CAPZB: variants seen among roughly 807,000 people sequenced by gnomAD.
CAPZB encodes the protein F-actin-capping protein subunit beta.
Under a neutral mutation model 38.1 loss-of-function variants are expected in CAPZB, and 2 were observed. The ratio of observed to expected loss-of-function variants is 0.05; its 90% CI spans 0.02 to 0.17. The LOEUF (loss-of-function observed/expected upper bound fraction) is 0.17, where lower values mean the gene tolerates loss of function less well. Among genes scored for constraint, CAPZB ranks in the 10% least tolerant of loss-of-function variants. The probability of loss-of-function intolerance (pLI) is 1.00; values close to 1 mark genes in which losing one functional copy is unlikely to be tolerated. For synonymous variants in CAPZB, 107 were observed against 127.4 expected, an observed-to-expected ratio of 0.84 and a Z score of 1.08; for missense variants, 161 against 334.2, an observed-to-expected ratio of 0.48 and a Z score of 4.04.
At chr1:19,485,364 G>T in intron 1 of CAPZB, 72 bp downstream of exon 1, 1 of 1,080,694 alleles carries the variant, frequency 9.3e-7, no homozygotes, top group South Asian at 4.6e-5. Context: ...CCAGGCCAGG[G>T]ATGGGCAGGG....
rs539577353 is a variant in CAPZB at position 19,418,120 on chromosome 1, A to G, written c.93+1541T>C. On this transcript the variant is annotated intron_variant, in intron 2 of 8. Coordinates refer to ENST00000264202, the MANE Select transcript of CAPZB (RefSeq NM_004930.5). The stretch of plus-strand genomic sequence containing the variant: ...CACTGCACTACAGCCCGGGTGACAG[A>G]ATGAGACTCTGTCACCAAAAAAAAA... 6.5e-5 allele frequency among the ~76,000 whole-genome samples: 9 copies of G among 139,248 alleles called. No homozygotes were observed. In the South Asian group the frequency reaches 2.1e-3, roughly 33 times the overall value. 91.4% of individuals were successfully genotyped at this position (139,248 alleles called of 152,430 possible).
chr1:19,403,818 C>CT (rs2094315855), intron 2 of CAPZB, among the ~76,000 whole-genome samples: 1 of 152,224 alleles, frequency 6.6e-6, no homozygotes, highest in Admixed American at 6.5e-5. Context: ...AGTGACCCCG[C>CT]TTTGGGCAGG....
chr1:19,356,674 G>A lies in CAPZB; in HGVS notation c.549C>T (p.Gly183=). The A allele has an allele frequency of 6.2e-7, 1 of 1,614,076 alleles. No homozygotes were observed. Among genetic ancestry groups the A allele is most frequent in the African/African-American group, 1.3e-5 (1 of 75,036 alleles). Residue 183 remains glycine (G), a synonymous_variant, in exon 6 of 9, where the codon GGC becomes GGT. Transcript: ENST00000264202. This position sits in a 1 kb window ranked among gnomAD's most constrained non-coding sequence, Gnocchi z 4.3. ...VMLWLQTNKS[G]SGTMNLGGSL... ...TGCCTCCGAGGTTCATGGTGCCAGA[G>A]CCAGATTTGTTGGTCTGCAGCCACA...
chr1:19,392,243 G>C (rs1386082469), intron 2 of CAPZB, among the ~76,000 whole-genome samples: 1 of 151,840 alleles, frequency 6.6e-6, no homozygotes, highest in Admixed American at 6.6e-5. Flanking sequence ...CGACAGAAGG[G>C]GGTTGCTGTG....
chr1:19,398,060 T>C (rs2094282150), intron 2 of CAPZB, among the ~76,000 whole-genome samples: 1 of 151,930 alleles, frequency 6.6e-6, no homozygotes. Flanking sequence ...AGGCAGAAAG[T>C]GACAATAAGG....
intron 1 of CAPZB, among the ~76,000 whole-genome samples, chr1:19,450,144 CAAAAAAAAAAAAAA>C (rs71008167): frequency 5.6e-5 from 2 of 35,452 alleles, no homozygotes; most frequent in Admixed American, 4.0e-4. Flanking sequence ...ACCCTGTCTC[CAAAAAAAAAAAAAA>C]AAAAAAAAAA....
At chr1:19,477,624 C>T (rs896485159) in intron 1 of CAPZB, among the ~76,000 whole-genome samples, 1 of 152,256 alleles carries the variant, frequency 6.6e-6, no homozygotes, top group African/African-American at 2.4e-5. Flanking sequence ...TCAGCAGCAA[C>T]ACTCTACCTG....
At chr1:19,377,538 T>G (rs1003675097) in intron 4 of CAPZB, among the ~76,000 whole-genome samples, 13 of 152,246 alleles carry the variant, frequency 8.5e-5, no homozygotes, top group Middle Eastern at 3.4e-3. Flanking sequence ...ACCTCAAAGC[T>G]CAAGAGGTGA....
At chr1:19,481,881 C>T (rs1274802011) in intron 1 of CAPZB, among the ~76,000 whole-genome samples, 1 of 152,154 alleles carries the variant, frequency 6.6e-6, no homozygotes, top group Non-Finnish European at 1.5e-5. Flanking sequence ...GATGACATCC[C>T]CACCCCTCAA....
chr1:19,480,417 A>G (rs982427060), intron 1 of CAPZB, among the ~76,000 whole-genome samples: 1 of 152,210 alleles, frequency 6.6e-6, no homozygotes, highest in Non-Finnish European at 1.5e-5. Context: ...TGAGTGGCAG[A>G]CAGGACTCAA....
intron 2 of CAPZB, among the ~76,000 whole-genome samples, chr1:19,413,698 T>C (rs1248609974): frequency 1.3e-5 from 2 of 152,160 alleles, no homozygotes; most frequent in Admixed American, 1.3e-4. Flanking sequence ...CTGAGATTGT[T>C]TGAATGACAA....
At chr1:19,474,016 GAC>G (rs2094598585) in intron 1 of CAPZB, among the ~76,000 whole-genome samples, 1 of 149,946 alleles carries the variant, frequency 6.7e-6, no homozygotes, top group African/African-American at 2.5e-5. Context: ...TTTTTTTTGA[GAC>G]AGGGTCTCAC....
chr1:19,476,221 T>TAGACAGAC (rs1198702925), intron 1 of CAPZB, among the ~76,000 whole-genome samples: 7 of 35,634 alleles, frequency 2.0e-4, no homozygotes, highest in African/African-American at 3.9e-4. Flanking sequence ...GATAGATAGA[T>TAGACAGAC]AGATAGGCAG....
chr1:19,407,578 T>A (rs2094338235), intron 2 of CAPZB, among the ~76,000 whole-genome samples: 1 of 151,942 alleles, frequency 6.6e-6, no homozygotes, highest in African/African-American at 2.4e-5. Context: ...ACAGAAAGGA[T>A]CCTGAGGACC....
At chr1:19,392,913 C>T (rs766372418) in intron 2 of CAPZB, among the ~76,000 whole-genome samples, 3 of 152,226 alleles carry the variant, frequency 2.0e-5, no homozygotes, top group Non-Finnish European at 2.9e-5. Flanking sequence ...TGGCTGTCCT[C>T]GCCTAGGGAG....
chr1:19,409,726 G>T (rs2094349281), intron 2 of CAPZB, among the ~76,000 whole-genome samples: 1 of 152,228 alleles, frequency 6.6e-6, no homozygotes, highest in Admixed American at 6.5e-5. Flanking sequence ...TTTAAAGAGA[G>T]AAGCGTTTTG....
chr1:19,378,617 C>T lies in CAPZB; in HGVS notation c.252G>A (p.Glu84=). The part of the protein sequence containing the change: ...PWSNKYDPPL[E]DGAMPSARLR... ...GCCGAGCTGACGGCATGGCCCCATC[C>T]TCCAAGGGAGGGTCATACTTGTTAC... Residue 84 remains glutamate, a synonymous_variant, in exon 4 of 9, where the codon GAG becomes GAA. Transcript: ENST00000264202. The T allele has an allele frequency of 6.2e-7, 1 of 1,612,742 alleles. No homozygotes were observed. The highest frequency in any genetic ancestry group is 8.5e-7 in the Non-Finnish European group (1 of 1,178,710).
chr1:19,448,548 G>A (rs2094503836), intron 1 of CAPZB, among the ~76,000 whole-genome samples: 1 of 152,208 alleles, frequency 6.6e-6, no homozygotes, highest in African/African-American at 2.4e-5. Context: ...GAAAGATGCA[G>A]TGTTTCATCA....
intron 4 of CAPZB, among the ~76,000 whole-genome samples, chr1:19,371,915 G>C (rs1002612028): frequency 7.9e-5 from 12 of 152,242 alleles, no homozygotes; most frequent in Non-Finnish European, 1.2e-4. Flanking sequence ...GGAAGGAGCA[G>C]GAACAACTGC....
Sources: gnomAD v4.1 joint callset for allele counts (sites outside exome capture counted in the v4.1 genomes callset) on GRCh38, gnomAD v4.1.1 for gene constraint, Gnocchi (gnomAD v3.1) non-coding constraint, MANE v1.5 for transcripts, NCBI Gene and HGNC (gene_info 2026-07-23, HGNC 2026-07-21) for gene names.